SNX24: variants seen among roughly 807,000 people sequenced by gnomAD.
The protein encoded by SNX24 is sorting nexin-24.
SNX24 carries 22 observed loss-of-function variants against 28.7 expected under a neutral mutation model. The observed-to-expected ratio is 0.77, with a 90% CI of 0.55 to 1.10. The LOEUF is 1.10. SNX24 is among the 50% of genes least tolerant of loss of function. SNX24 has a pLI of 0.00. For synonymous variants in SNX24, 69 were observed against 71.5 expected, an observed-to-expected ratio of 0.96 and a Z score of 0.18; for missense variants, 221 against 201.1, an observed-to-expected ratio of 1.10 and a Z score of -0.60.
intron 3 of SNX24, among the ~76,000 whole-genome samples, chr5:122,969,804 A>T (rs1760876912): frequency 6.6e-6 from 1 of 151,998 alleles, no homozygotes; most frequent in African/African-American, 2.4e-5. Flanking sequence ...TATATTCCAC[A>T]TCCATTACCG....
chr5:123,028,637 T>G (rs1454867113), intron 5 of SNX24: 1 of 634,938 alleles, frequency 1.6e-6, no homozygotes, highest in Non-Finnish European at 2.7e-6. Context: ...TCCCCAAAAC[T>G]CCATCCTTCT....
At chr5:122,894,879 T>A (rs566799774) in intron 1 of SNX24, among the ~76,000 whole-genome samples, 1 of 152,350 alleles carries the variant, frequency 6.6e-6, no homozygotes, top group South Asian at 2.1e-4. Context: ...TATGCTGTAG[T>A]CTAGTTTCCA....
rs149420108 is a variant in SNX24 at position 123,006,818 on chromosome 5, A to G, written c.443-864A>G. 4.0e-3 allele frequency among the ~76,000 whole-genome samples: 606 copies of G among 152,240 alleles called. 17 individuals are homozygous for G. The highest frequency in any genetic ancestry group is 0.031 in the Admixed American group (478 of 15,300). ...TTTCTGCCTCCTCTGATGAGGCCCA[A>G]TCCCCTAGTAAATGATTTTATTTAC... On this transcript the variant is annotated intron_variant, in intron 6 of 6. Transcript: ENST00000261369.
chr5:122,983,124 A>C (rs1271831722), intron 3 of SNX24: 1 of 151,802 alleles, frequency 6.6e-6, no homozygotes, highest in Admixed American at 6.6e-5. Context: ...TCAATAGTTA[A>C]GTGAATAATT....
At chr5:123,024,462 G>A (rs1231560386) in intron 5 of SNX24, among the ~76,000 whole-genome samples, 1 of 152,148 alleles carries the variant, frequency 6.6e-6, no homozygotes, top group African/African-American at 2.4e-5. Context: ...CCTAGTTCTA[G>A]GTTTGTCCAT....
At chr5:122,972,119 C>T (rs1238078536) in intron 3 of SNX24, among the ~76,000 whole-genome samples, 1 of 152,240 alleles carries the variant, frequency 6.6e-6, no homozygotes, top group Non-Finnish European at 1.5e-5. Context: ...AACACTGTAA[C>T]TCCCTTCTTA....
At chr5:122,980,616 G>A (rs1256033000) in intron 3 of SNX24, among the ~76,000 whole-genome samples, 3 of 151,462 alleles carry the variant, frequency 2.0e-5, no homozygotes, top group Non-Finnish European at 2.9e-5. Flanking sequence ...AGACAGTCTT[G>A]ACAAGCAGAA....
intron 3 of SNX24, among the ~76,000 whole-genome samples, chr5:122,957,801 A>G (rs761382509): frequency 6.6e-6 from 1 of 152,244 alleles, no homozygotes; most frequent in Non-Finnish European, 1.5e-5. Context: ...GAATGGAAAT[A>G]GTTTCTTAAT....
intron 5 of SNX24, among the ~76,000 whole-genome samples, chr5:123,022,960 T>C (rs1345744654): frequency 6.6e-6 from 1 of 152,170 alleles, no homozygotes; most frequent in African/African-American, 2.4e-5. Context: ...TGCACCAACA[T>C]GACCAGCTAA....
At chr5:122,960,364 G>C (rs1181015823) in intron 3 of SNX24, among the ~76,000 whole-genome samples, 3 of 152,096 alleles carry the variant, frequency 2.0e-5, no homozygotes, top group Non-Finnish European at 4.4e-5. Context: ...CTAGTTTGTA[G>C]CACTAAACTA....
chr5:122,935,812 A>AT (rs1759157112), intron 1 of SNX24, among the ~76,000 whole-genome samples: 1 of 152,088 alleles, frequency 6.6e-6, no homozygotes, highest in Non-Finnish European at 1.5e-5. Flanking sequence ...ACAGTTTTGT[A>AT]TTTTTTTCAG....
At chr5:122,947,975 A>G (rs147386352) in intron 3 of SNX24, among the ~76,000 whole-genome samples, 1 of 152,320 alleles carries the variant, frequency 6.6e-6, no homozygotes, top group African/African-American at 2.4e-5. Context: ...GTTTATAGTG[A>G]CACTCAAATT....
At chr5:122,947,594 A>G (rs1264395132) in intron 3 of SNX24, among the ~76,000 whole-genome samples, 4 of 152,160 alleles carry the variant, frequency 2.6e-5, no homozygotes, top group Admixed American at 6.5e-5. Context: ...AATGGGGATT[A>G]TTACAAATCA....
At chr5:123,004,574 TGAG>T (rs1762356962) in intron 6 of SNX24, among the ~76,000 whole-genome samples, 1 of 152,198 alleles carries the variant, frequency 6.6e-6, no homozygotes, top group Non-Finnish European at 1.5e-5. Flanking sequence ...TGTATACACC[TGAG>T]TCACAATATT....
At chr5:122,975,223 C>T (rs79917505) in intron 3 of SNX24, among the ~76,000 whole-genome samples, 2,039 of 152,296 alleles carry the variant, frequency 0.013, 40 homozygotes, top group African/African-American at 0.032. Flanking sequence ...CTGTATGTCA[C>T]CCATCTGGGC....
chr5:123,007,237 C>T (rs1414269322), intron 6 of SNX24, among the ~76,000 whole-genome samples: 2 of 152,210 alleles, frequency 1.3e-5, no homozygotes, highest in African/African-American at 4.8e-5. Context: ...AACAAGTAGA[C>T]TCAGGACAAC....
At chr5:122,972,851 G>A (rs758478088) in intron 3 of SNX24, among the ~76,000 whole-genome samples, 6 of 152,160 alleles carry the variant, frequency 3.9e-5, no homozygotes, top group Non-Finnish European at 7.3e-5. Flanking sequence ...GCCATATCAC[G>A]GGCTCAGTGA....
Position 123,024,353 on chromosome 5 carries a change from AAGC to A in SNX24, n.384-4884_384-4882del, listed in dbSNP as rs1337653298. Among the ~76,000 whole-genome samples, 4 of 152,320 alleles carry A rather than the reference AAGC, an allele frequency of 2.6e-5. No individual in the cohort carries two copies. In the East Asian group the frequency reaches 7.7e-4, roughly 29 times the overall value. ...AAAGGCATTTCCATTCACCTGGTATAAGCCAGCGTAACAGTTAACATGAAGTCT... is the reference window on the plus strand; with the variant it reads ...AAAGGCATTTCCATTCACCTGGTATACAGCGTAACAGTTAACATGAAGTCT... On this transcript the variant is annotated intron_variant and non_coding_transcript_variant, in intron 5 of 5. Coordinates refer to the SNX24 transcript ENST00000502387.
At chr5:122,885,162 G>A (rs1006412948) in intron 1 of SNX24, among the ~76,000 whole-genome samples, 4 of 152,158 alleles carry the variant, frequency 2.6e-5, no homozygotes, top group African/African-American at 4.8e-5. Flanking sequence ...GGCTGGGTGT[G>A]TAGGTGGGGT....
Sources: allele counts gnomAD v4.1 joint callset (sites outside exome capture counted in the v4.1 genomes callset), GRCh38; gene constraint gnomAD v4.1.1; transcripts MANE v1.5; gene names NCBI Gene and HGNC (gene_info 2026-07-23, HGNC 2026-07-21).